The following GABRA5 variants were observed in gnomAD, a reference collection of about 807,000 sequenced individuals.
GABRA5 encodes gamma-aminobutyric acid type A receptor subunit alpha5, also known as gamma-aminobutyric acid receptor subunit alpha-5.
In GABRA5, 18 loss-of-function variants were observed where a neutral mutation model predicts 47.3. The observed-to-expected ratio is 0.38, with a 90% CI of 0.26 to 0.56. GABRA5 has a LOEUF of 0.56. Among genes scored for constraint, GABRA5 ranks in the 20% least tolerant of loss-of-function variants. The pLI, the probability that GABRA5 is intolerant of heterozygous loss-of-function variation, is 0.71. For missense variants in GABRA5, 365 were observed against 599.3 expected (o/e 0.61, Z 4.08); for synonymous variants, 237 against 229.3 (o/e 1.03, Z -0.30).
chr15:26,911,398 A>ACACACACAC (rs1566877398), intron 6 of GABRA5, among the ~76,000 whole-genome samples: 52 of 96,838 alleles, frequency 5.4e-4, no homozygotes, highest in South Asian at 2.4e-3. Flanking sequence ...CACACACACA[A>ACACACACAC]ACACACACAC....
intron 3 of GABRA5, among the ~76,000 whole-genome samples, chr15:26,870,057 T>C (rs1321202157): frequency 1.3e-5 from 2 of 152,266 alleles, no homozygotes; most frequent in Non-Finnish European, 2.9e-5. Flanking sequence ...TTGTTCTGGT[T>C]AATCAAAAGG....
At chr15:26,938,045 A>G (rs1362530396) in intron 8 of GABRA5, among the ~76,000 whole-genome samples, 2 of 152,214 alleles carry the variant, frequency 1.3e-5, no homozygotes, top group African/African-American at 4.8e-5. Flanking sequence ...GGGGGCCCTG[A>G]TGGCAGAAAG....
chr15:26,898,623 TC>T, intron 6 of GABRA5, among the ~76,000 whole-genome samples: 1 of 152,284 alleles, frequency 6.6e-6, no homozygotes, highest in African/African-American at 2.4e-5. Context: ...CAGTCAGCAT[TC>T]CCTCTGACCT....
At position 26,896,730 on chromosome 15, in the gene GABRA5, A is replaced by G. The variant is rs560746287; in HGVS notation, c.497+13173A>G. On this transcript the variant is annotated intron_variant, in intron 6 of 10. Coordinates refer to ENST00000335625, the MANE Select transcript of GABRA5 (RefSeq NM_000810.4). ...GTTGAGGGAGTATATGAAGGAAAAA[A>G]GAAATTGCGTAGTGATGAGTGTGAA... 9.2e-5 allele frequency among the ~76,000 whole-genome samples: 14 copies of G among 152,284 alleles called. No individual in the cohort carries two copies. In the East Asian group the frequency reaches 2.3e-3, roughly 25 times the overall value.
In GABRA5 at chr15:26,883,654, AC is replaced by A; in HGVS notation, c.497+99del. ...AGAGCTGCGCCGCGGAGCTGTTCTG[AC>A]CATAGGTCTGAGACTGCGGCGCGTG... On this transcript the variant is annotated intron_variant, in intron 6 of 10. Transcript: ENST00000335625. The surrounding 1 kb of genome is among the most constrained non-coding windows in gnomAD (Gnocchi z 4.8). 3 of 1,004,856 alleles carry A rather than the reference AC, an allele frequency of 3.0e-6. No homozygotes were observed. The highest frequency in any genetic ancestry group is 4.2e-6 in the Non-Finnish European group (3 of 711,950). The allele number at this position is 1,004,856 out of a possible 1,614,324, so 62.2% of individuals were successfully genotyped here. A position where few individuals can be genotyped will look rare whatever the true frequency, so the allele number is the denominator to read the frequency against.
intron 7 of GABRA5, among the ~76,000 whole-genome samples, chr15:26,930,006 C>CTTTT (rs72082419): frequency 8.8e-6 from 1 of 113,386 alleles, no homozygotes; most frequent in Admixed American, 8.9e-5. Context: ...TCTTCTTCTT[C>CTTTT]TTTTTTTTTT....
chr15:26,940,098 C>G (rs1000902749), intron 9 of GABRA5, 21 bp downstream of exon 9: 1 of 1,597,644 alleles, frequency 6.3e-7, no homozygotes, highest in African/African-American at 1.3e-5. Context: ...CCAAGCCAGG[C>G]CTGGACACTG....
chr15:26,907,050 C>T (rs113013491), intron 6 of GABRA5, among the ~76,000 whole-genome samples: 9,447 of 152,192 alleles, frequency 0.062, 968 homozygotes, highest in African/African-American at 0.22. Context: ...GAAGTTTTAG[C>T]CCAGTATAAT....
At chr15:26,932,149 C>G (rs1402678340) in intron 7 of GABRA5, among the ~76,000 whole-genome samples, 1 of 152,174 alleles carries the variant, frequency 6.6e-6, no homozygotes, top group African/African-American at 2.4e-5. Context: ...AGCTTCTGCA[C>G]AGCAAAAGAC....
intron 3 of GABRA5, among the ~76,000 whole-genome samples, chr15:26,871,109 G>A (rs1182637661): frequency 3.9e-5 from 6 of 152,138 alleles, no homozygotes; most frequent in Admixed American, 1.3e-4. Flanking sequence ...CAGGAGAATC[G>A]CTTGAACCCG....
intron 6 of GABRA5, among the ~76,000 whole-genome samples, chr15:26,896,542 A>G (rs1438418269): frequency 6.6e-6 from 1 of 152,222 alleles, no homozygotes; most frequent in Non-Finnish European, 1.5e-5. Flanking sequence ...ATAAACAGTC[A>G]CAAGACTTTC....
At chr15:26,939,691 G>A (rs1894339587) in intron 8 of GABRA5, among the ~76,000 whole-genome samples, 1 of 152,116 alleles carries the variant, frequency 6.6e-6, no homozygotes, top group Non-Finnish European at 1.5e-5. Flanking sequence ...ATTTTCCCCA[G>A]GAAGAGCATC....
intron 3 of GABRA5, among the ~76,000 whole-genome samples, chr15:26,870,921 A>T (rs1892453530): frequency 6.6e-6 from 1 of 152,188 alleles, no homozygotes; most frequent in African/African-American, 2.4e-5. Flanking sequence ...GCCAGGCGTG[A>T]TGGCTCATGC....
intron 6 of GABRA5, among the ~76,000 whole-genome samples, chr15:26,913,632 G>A (rs1893651142): frequency 6.6e-6 from 1 of 152,066 alleles, no homozygotes; most frequent in Non-Finnish European, 1.5e-5. Flanking sequence ...ACTTGAAGTT[G>A]AACGTTTTGT....
intron 6 of GABRA5, among the ~76,000 whole-genome samples, chr15:26,893,413 G>GGGGGC: frequency 1.3e-4 from 1 of 7,828 alleles, no homozygotes; most frequent in Non-Finnish European, 2.2e-4. Context: ...TGTTGTGTGT[G>GGGGGC]TTGTGTGTGT....
chr15:26,904,597 C>G (rs940742560), intron 6 of GABRA5, among the ~76,000 whole-genome samples: 1 of 152,128 alleles, frequency 6.6e-6, no homozygotes, highest in African/African-American at 2.4e-5. Context: ...TATCCATGAG[C>G]ATGGAATGTT....
intron 3 of GABRA5, among the ~76,000 whole-genome samples, chr15:26,877,506 G>A (rs1326577403): frequency 1.3e-5 from 2 of 152,188 alleles, no homozygotes; most frequent in Admixed American, 6.5e-5. Context: ...CCCAGTTCAA[G>A]GTCCAAAGTA....
chr15:26,884,122 G>C (rs571444024), intron 6 of GABRA5, among the ~76,000 whole-genome samples: 2 of 152,166 alleles, frequency 1.3e-5, no homozygotes, highest in Non-Finnish European at 2.9e-5. Flanking sequence ...CCAAGAGTTT[G>C]AGGTTGCACT....
rs77817141 is a variant in GABRA5, at chr15:26,948,636, T to C, written c.*403T>C. On this transcript the variant is annotated 3_prime_UTR_variant, in exon 11 of 11. Coordinates refer to ENST00000335625, the MANE Select transcript of GABRA5 (RefSeq NM_000810.4). ...TTAGGAAACTCTCCATGATTATTAG[T>C]TGACCAACTATATTGCGAGAAACAG... is the stretch of plus-strand genomic sequence containing the variant. 30 of 173,422 alleles carry C rather than the reference T, an allele frequency of 1.7e-4. No individual in the cohort carries two copies. The highest frequency in any genetic ancestry group is 3.0e-4 in the Non-Finnish European group (24 of 80,008). The allele number at this position is 173,422 out of a possible 1,614,324, so 10.7% of individuals were successfully genotyped here. A position where few individuals can be genotyped will look rare whatever the true frequency, so the allele number is the denominator to read the frequency against.
Sources: gnomAD v4.1 joint callset for allele counts (sites outside exome capture counted in the v4.1 genomes callset) on GRCh38, gnomAD v4.1.1 for gene constraint, Gnocchi (gnomAD v3.1) non-coding constraint, MANE v1.5 for transcripts, NCBI Gene and HGNC (gene_info 2026-07-23, HGNC 2026-07-21) for gene names.